EPHA3: variants seen among roughly 807,000 people sequenced by gnomAD.
The protein encoded by EPHA3 is ephrin type-A receptor 3.
EPHA3 carries 42 observed loss-of-function variants against 107.1 expected under a neutral mutation model. The observed-to-expected ratio is 0.39, with a 90% confidence interval of 0.31 to 0.51. The LOEUF (loss-of-function observed/expected upper bound fraction) is 0.51. Among genes scored for constraint, EPHA3 ranks in the 20% least tolerant of loss-of-function variants. The pLI, the probability that EPHA3 is intolerant of heterozygous loss-of-function variation, is 0.78. For missense variants in EPHA3, 1,183 were observed against 1,211.2 expected, an observed-to-expected ratio of 0.98 and a Z score of 0.35; for synonymous variants, 461 against 424.8, an observed-to-expected ratio of 1.09 and a Z score of -1.05.
chr3:89,355,316 A>T (rs1324003400), intron 5 of EPHA3, among the ~76,000 whole-genome samples: 2 of 151,300 alleles, frequency 1.3e-5, no homozygotes, highest in Non-Finnish European at 3.0e-5. Context: ...CATTTGGACT[A>T]GACCATTTCT....
chr3:89,227,566 A>C (rs1436457058), intron 3 of EPHA3, among the ~76,000 whole-genome samples: 2 of 152,120 alleles, frequency 1.3e-5, no homozygotes, highest in South Asian at 4.2e-4. Flanking sequence ...TATAAATGTA[A>C]ATCCTGGAAT....
Position 89,351,925 on chromosome 3 carries a change from C to CAAA in EPHA3, c.1306+9849_1306+9851dup, listed in dbSNP as rs71621543. Reference sequence around the variant, plus strand: ...ATTTTCTGTAAATTCAAGGCAGATGCAAAAAAAAAAAAAAAAGTGGAGAAG... The same window carrying CAAA: ...ATTTTCTGTAAATTCAAGGCAGATGCAAAAAAAAAAAAAAAAAAAGTGGAGAAG... On this transcript the variant is annotated intron_variant, in intron 5 of 16. Transcript: ENST00000336596. Among the ~76,000 whole-genome samples the CAAA allele has an allele frequency of 1.8e-3, 148 of 84,040 alleles. 5 individuals carry two copies. Among genetic ancestry groups the CAAA allele is most frequent in the Middle Eastern group, 7.7e-3 (1 of 130 alleles). 55.1% of individuals were successfully genotyped at this position (84,040 alleles called of 152,430 possible).
chr3:89,396,906 G>T (rs2107505315), intron 6 of EPHA3, among the ~76,000 whole-genome samples: 1 of 152,318 alleles, frequency 6.6e-6, no homozygotes, highest in Non-Finnish European at 1.5e-5. Flanking sequence ...TAAGAAAACA[G>T]AGAGTGATGT....
intron 13 of EPHA3, among the ~76,000 whole-genome samples, chr3:89,443,275 A>G (rs1004055909): frequency 1.3e-5 from 2 of 152,158 alleles, no homozygotes; most frequent in African/African-American, 2.4e-5. Flanking sequence ...ATAGCATTCT[A>G]CGAACTCTAA....
At chr3:89,434,860 T>C (rs1269344771) in intron 13 of EPHA3, among the ~76,000 whole-genome samples, 1 of 152,204 alleles carries the variant, frequency 6.6e-6, no homozygotes, top group Non-Finnish European at 1.5e-5. Flanking sequence ...AATAAATAGC[T>C]GTTTCGAGTT....
chr3:89,162,885 G>C (rs193065516), intron 2 of EPHA3, among the ~76,000 whole-genome samples: 7 of 152,336 alleles, frequency 4.6e-5, no homozygotes, highest in Non-Finnish European at 1.0e-4. Flanking sequence ...AGGGTTGAAA[G>C]CTGCAGGGTG....
intron 2 of EPHA3, among the ~76,000 whole-genome samples, chr3:89,130,793 C>T (rs780406981): frequency 6.6e-5 from 10 of 152,090 alleles, no homozygotes; most frequent in Non-Finnish European, 1.0e-4. Flanking sequence ...CGCCACCACG[C>T]TCAGCTAATT....
chr3:89,202,529 A>AT (rs1705995547), intron 2 of EPHA3, among the ~76,000 whole-genome samples: 5 of 36,838 alleles, frequency 1.4e-4, no homozygotes, highest in Admixed American at 4.4e-4. Context: ...AAAAAAAAAA[A>AT]AAAAAATATA....
At chr3:89,380,116 C>T (rs950782806) in intron 5 of EPHA3, among the ~76,000 whole-genome samples, 45 of 152,128 alleles carry the variant, frequency 3.0e-4, no homozygotes, top group African/African-American at 1.1e-3. Context: ...TATTTTGATG[C>T]AATGCATACG....
chr3:89,404,421 C>T (rs1253664558), intron 7 of EPHA3, among the ~76,000 whole-genome samples: 1 of 152,058 alleles, frequency 6.6e-6, no homozygotes, highest in Non-Finnish European at 1.5e-5. Flanking sequence ...AATATAAATC[C>T]AGGAGTTCTG....
chr3:89,315,358 T>C (rs1410815765), intron 3 of EPHA3, among the ~76,000 whole-genome samples: 1 of 151,728 alleles, frequency 6.6e-6, no homozygotes, highest in Non-Finnish European at 1.5e-5. Context: ...GAATCAACTA[T>C]AGTATGTGAT....
intron 5 of EPHA3, among the ~76,000 whole-genome samples, chr3:89,362,063 AC>A (rs1167222887): frequency 6.6e-6 from 1 of 151,190 alleles, no homozygotes; most frequent in African/African-American, 2.4e-5. Context: ...GAGTAGTATG[AC>A]ACCTTAAGAA....
intron 5 of EPHA3, among the ~76,000 whole-genome samples, chr3:89,395,490 AT>A (rs1708830677): frequency 6.6e-6 from 1 of 152,140 alleles, no homozygotes; most frequent in African/African-American, 2.4e-5. Context: ...GGTAGTCCTG[AT>A]GTTTTGTTCT....
At chr3:89,214,695 C>G (rs1471136114) in intron 3 of EPHA3, among the ~76,000 whole-genome samples, 1 of 151,832 alleles carries the variant, frequency 6.6e-6, no homozygotes. Context: ...TTCTTCCAAA[C>G]AGCAGTCACG....
Position 89,347,061 on chromosome 3 carries a change from A to G in EPHA3, c.1306+4971A>G, listed in dbSNP as rs1275769602. ...TGAAGTCAGGTAGTGTGATGCCTCC[A>G]GCTTTGTTCTTTTGGCTTAGGATTG... On this transcript the variant is annotated intron_variant, in intron 5 of 16. Transcript: ENST00000336596. 2.0e-4 allele frequency among the ~76,000 whole-genome samples: 29 copies of G among 143,644 alleles called. 1 individual carries two copies. Among genetic ancestry groups the G allele is most frequent in the Admixed American group, 5.5e-4 (8 of 14,458 alleles). 94.2% of individuals were successfully genotyped at this position (143,644 alleles called of 152,430 possible).
intron 2 of EPHA3, among the ~76,000 whole-genome samples, chr3:89,162,843 G>C (rs936536633): frequency 6.6e-6 from 1 of 152,050 alleles, no homozygotes; most frequent in African/African-American, 2.4e-5. Flanking sequence ...ACTCTAGGAC[G>C]GCCACTCCAT....
intron 6 of EPHA3, among the ~76,000 whole-genome samples, chr3:89,397,988 A>G (rs1464159533): frequency 6.6e-6 from 1 of 152,220 alleles, no homozygotes; most frequent in African/African-American, 2.4e-5. Context: ...TATTTAAAAT[A>G]TATTCCTTTA....
intron 5 of EPHA3, among the ~76,000 whole-genome samples, chr3:89,393,937 G>T (rs538546271): frequency 3.3e-5 from 5 of 151,382 alleles, no homozygotes; most frequent in African/African-American, 9.7e-5. Flanking sequence ...GGGTTGTGGG[G>T]GTGAAGCCAA....
intron 5 of EPHA3, among the ~76,000 whole-genome samples, chr3:89,353,712 G>C (rs6809693): frequency 2.6e-5 from 4 of 151,342 alleles, no homozygotes; most frequent in East Asian, 1.9e-4. Flanking sequence ...GGCACATTGC[G>C]TAACTGTAGA....
Sources: gnomAD v4.1 joint callset for allele counts (sites outside exome capture counted in the v4.1 genomes callset) on GRCh38, gnomAD v4.1.1 for gene constraint, MANE v1.5 for transcripts, NCBI Gene and HGNC (gene_info 2026-07-23, HGNC 2026-07-21) for gene names.